Variants in HS1BP3 observed in about 807,000 individuals in gnomAD.
HS1BP3 encodes HCLS1-binding protein 3.
In HS1BP3, 32 loss-of-function variants were observed where a neutral mutation model predicts 33.5. The observed-to-expected ratio is 0.95, with a 90% CI of 0.72 to 1.28. HS1BP3 has a LOEUF of 1.28. Ranked by LOEUF, HS1BP3 falls within the 50% of genes most tolerant of loss-of-function variation. HS1BP3 has a pLI of 0.00. For missense variants in HS1BP3, 486 were observed against 502.3 expected (o/e 0.97, Z 0.31); for synonymous variants, 187 against 209.2 (o/e 0.89, Z 0.92).
Position 20,640,967 on chromosome 2 carries a change from G to C in HS1BP3, c.406+6C>G. ...CCTGAGGGACATGGGGCAGAGCCTT[G>C]GGTACCTAAGAACTCTAGCAGCTCT... On this transcript the variant is annotated splice_donor_region_variant and intron_variant, in intron 3 of 6. Coordinates refer to ENST00000304031, the MANE Select transcript of HS1BP3 (RefSeq NM_022460.4). The C allele has an allele frequency of 6.2e-7, 1 of 1,613,848 alleles. No homozygotes were observed. The highest frequency in any genetic ancestry group is 1.7e-5 in the Admixed American group (1 of 60,024).
At chr2:20,632,335 C>T (rs1694995089) in intron 4 of HS1BP3, among the ~76,000 whole-genome samples, 1 of 152,232 alleles carries the variant, frequency 6.6e-6, no homozygotes, top group African/African-American at 2.4e-5. Context: ...CAAATGGTGA[C>T]ACGACCAGCA....
intron 2 of HS1BP3, chr2:20,606,613 CT>C: frequency 2.1e-6 from 1 of 484,472 alleles, no homozygotes; most frequent in Admixed American, 2.2e-5. Context: ...TCCTGGCCAA[CT>C]TTCCAGCGTC....
intron 3 of HS1BP3, chr2:20,640,265 G>A (rs1695298006): frequency 6.6e-6 from 1 of 152,574 alleles, no homozygotes; most frequent in Non-Finnish European, 1.5e-5. Context: ...ACTAACCGAG[G>A]AGTGGGGTAA....
intron 4 of HS1BP3, among the ~76,000 whole-genome samples, chr2:20,630,631 C>T (rs146828042): frequency 6.6e-6 from 1 of 152,150 alleles, no homozygotes; most frequent in Non-Finnish European, 1.5e-5. Flanking sequence ...GAAATTCACA[C>T]CAGGACAATG....
At chr2:20,571,140 C>A (rs115975703) in intron 5 of HS1BP3, among the ~76,000 whole-genome samples, 5 of 152,162 alleles carry the variant, frequency 3.3e-5, no homozygotes, top group Non-Finnish European at 5.9e-5. Context: ...CTAGACTTTG[C>A]GGTTAAAGGA....
At chr2:20,578,380 C>T (rs1191237269) in intron 5 of HS1BP3, among the ~76,000 whole-genome samples, 2 of 152,236 alleles carry the variant, frequency 1.3e-5, no homozygotes, top group African/African-American at 4.8e-5. Flanking sequence ...TAGCATGTCT[C>T]TCTGGGCTGT....
chr2:20,622,067 ACAGCCAGAAGGAACAAAGCC>A, intron 6 of HS1BP3: 1 of 615,934 alleles, frequency 1.6e-6, no homozygotes, highest in Non-Finnish European at 2.3e-6. Context: ...GTGTGGCTGC[ACAGCCAGAAGGAACAAAGCC>A]TTCTTAGCCT....
At chr2:20,574,197 G>A (rs1287745556) in intron 5 of HS1BP3, among the ~76,000 whole-genome samples, 2 of 152,216 alleles carry the variant, frequency 1.3e-5, no homozygotes, top group Non-Finnish European at 2.9e-5. Flanking sequence ...GGAACAGACA[G>A]CTTCTTGGAG....
intron 2 of HS1BP3, among the ~76,000 whole-genome samples, chr2:20,602,963 A>C (rs1484032325): frequency 1.3e-5 from 2 of 152,262 alleles, no homozygotes; most frequent in African/African-American, 2.4e-5. Flanking sequence ...ATGGCTAATA[A>C]CAAGCACCAA....
At chr2:20,634,056 G>C (rs1695046252) in intron 4 of HS1BP3, among the ~76,000 whole-genome samples, 1 of 152,220 alleles carries the variant, frequency 6.6e-6, no homozygotes, top group Non-Finnish European at 1.5e-5. Context: ...TGAACCCCAG[G>C]ATGGCACAGC....
intron 6 of HS1BP3, 176 bp downstream of exon 6, chr2:20,623,720 C>T (rs185202011): frequency 4.6e-6 from 3 of 657,240 alleles, no homozygotes; most frequent in African/African-American, 3.7e-5. Context: ...GGATCCTCCC[C>T]CTCAGCCCCC....
chr2:20,627,178 G>T (rs532360986), intron 4 of HS1BP3, among the ~76,000 whole-genome samples: 2 of 152,334 alleles, frequency 1.3e-5, no homozygotes, highest in Admixed American at 6.5e-5. Context: ...GGTGGGGAAG[G>T]GTGGAGAGCC....
chr2:20,599,609 AACACACACACACACAC>A (rs59149167), intron 2 of HS1BP3, among the ~76,000 whole-genome samples: 9 of 136,258 alleles, frequency 6.6e-5, no homozygotes, highest in African/African-American at 1.1e-4. Context: ...CTTCTTGTGT[AACACACACACACACAC>A]ACACACACAC....
At chr2:20,584,865 C>T (rs1242023376) in intron 5 of HS1BP3, among the ~76,000 whole-genome samples, 2 of 152,098 alleles carry the variant, frequency 1.3e-5, no homozygotes, top group African/African-American at 4.8e-5. Context: ...CCTCTGGAGT[C>T]GCTAAGATGC....
Position 20,619,257 on chromosome 2 carries a change from C to G in HS1BP3, c.921-12G>C. ...AGTCCTCTTCAACTCTAGGGAACCA[C>G]AGGGAGGAACCCTGAGCATAACACT... On this transcript the variant is annotated splice_polypyrimidine_tract_variant and intron_variant, in intron 6 of 6. Coordinates refer to ENST00000304031, the MANE Select transcript of HS1BP3 (RefSeq NM_022460.4). 2 of 1,583,260 alleles carry G rather than the reference C, an allele frequency of 1.3e-6. No homozygotes were observed. The highest frequency in any genetic ancestry group is 3.5e-5 in the Admixed American group (2 of 57,644).
At chr2:20,555,964 C>T (rs1020556838), downstream of HS1BP3, among the ~76,000 whole-genome samples, 3 of 152,126 alleles carry the variant, frequency 2.0e-5, no homozygotes, top group Non-Finnish European at 4.4e-5. Context: ...TAAGACTTCA[C>T]AATATATTGA....
chr2:20,625,767 G>A (rs1330184011), intron 4 of HS1BP3, among the ~76,000 whole-genome samples: 1 of 152,214 alleles, frequency 6.6e-6, no homozygotes, highest in African/African-American at 2.4e-5. Flanking sequence ...GGAAGCTTCT[G>A]GGGTGTAGGA....
At chr2:20,615,775 C>G (rs992329310), downstream of HS1BP3, among the ~76,000 whole-genome samples, 4 of 152,254 alleles carry the variant, frequency 2.6e-5, no homozygotes, top group African/African-American at 7.2e-5. Flanking sequence ...AATAAGGCCA[C>G]AGGGCCCCAG....
chr2:20,584,947 T>A (rs1473418649), intron 5 of HS1BP3, among the ~76,000 whole-genome samples: 5 of 152,134 alleles, frequency 3.3e-5, no homozygotes, highest in African/African-American at 1.2e-4. Context: ...GCCTTTGGCT[T>A]GTGTAGAGTT....
Sources: gnomAD v4.1 joint callset for allele counts (sites outside exome capture counted in the v4.1 genomes callset) on GRCh38, gnomAD v4.1.1 for gene constraint, MANE v1.5 for transcripts, NCBI Gene and HGNC (gene_info 2026-07-23, HGNC 2026-07-21) for gene names.